Variants in PLCB1 observed in about 807,000 individuals in gnomAD.
The protein encoded by PLCB1 is 1-phosphatidylinositol 4,5-bisphosphate phosphodiesterase beta-1.
Under a neutral mutation model 161.8 loss-of-function variants are expected in PLCB1, and 46 were observed. The observed-to-expected ratio is 0.28, with a 90% CI of 0.22 to 0.36. The LOEUF is 0.36. Among genes scored for constraint, PLCB1 ranks in the 10% least tolerant of loss-of-function variants. The pLI, the probability that PLCB1 is intolerant of heterozygous loss-of-function variation, is 1.00. For synonymous variants in PLCB1, 517 were observed against 503.7 expected, an observed-to-expected ratio of 1.03 and a Z score of -0.35; for missense variants, 1,016 against 1,472.5, an observed-to-expected ratio of 0.69 and a Z score of 5.07.
intron 3 of PLCB1, among the ~76,000 whole-genome samples, chr20:8,590,852 C>T (rs1987127790): frequency 6.6e-6 from 1 of 152,038 alleles, no homozygotes; most frequent in South Asian, 2.1e-4. Flanking sequence ...GGTCCATGTG[C>T]AGGACGTGCA....
chr20:8,646,906 A>G (rs1241913665), intron 5 of PLCB1, among the ~76,000 whole-genome samples: 2 of 152,166 alleles, frequency 1.3e-5, no homozygotes, highest in African/African-American at 4.8e-5. Context: ...CACAAGTAGA[A>G]ACATTAATAG....
At chr20:8,620,911 T>G (rs564841622) in intron 3 of PLCB1, among the ~76,000 whole-genome samples, 11 of 152,184 alleles carry the variant, frequency 7.2e-5, no homozygotes, top group Admixed American at 1.3e-4. Flanking sequence ...TTTTTTGATA[T>G]GTTTGATTTT....
chr20:8,389,771 A>C (rs942429436), intron 3 of PLCB1, among the ~76,000 whole-genome samples: 4 of 152,252 alleles, frequency 2.6e-5, no homozygotes, highest in East Asian at 3.9e-4. Context: ...TAATATAGAG[A>C]TATGAGAAGC....
intron 3 of PLCB1, among the ~76,000 whole-genome samples, chr20:8,407,529 A>G (rs961270831): frequency 6.6e-6 from 1 of 152,230 alleles, no homozygotes; most frequent in African/African-American, 2.4e-5. Context: ...ATGAGGAAGA[A>G]GCAAAAGCGG....
intron 2 of PLCB1, among the ~76,000 whole-genome samples, chr20:8,264,776 T>C (rs1981871956): frequency 6.6e-6 from 1 of 152,156 alleles, no homozygotes. Flanking sequence ...CTGATTTTGA[T>C]TCTTTATTAA....
At chr20:8,495,388 C>CTTTTTTTTTTTTTTTTTTTTTT (rs869173548) in intron 3 of PLCB1, among the ~76,000 whole-genome samples, 1 of 94,364 alleles carries the variant, frequency 1.1e-5, no homozygotes, top group African/African-American at 4.5e-5. Context: ...ACCTTCCTTT[C>CTTTTTTTTTTTTTTTTTTTTTT]TTTTTTTTTT....
chr20:8,330,338 C>T (rs1985319514), intron 2 of PLCB1, among the ~76,000 whole-genome samples: 1 of 152,186 alleles, frequency 6.6e-6, no homozygotes. Flanking sequence ...AGCCTCACAG[C>T]TGTAACTGGT....
chr20:8,678,092 G>A (rs1427304206), intron 9 of PLCB1, among the ~76,000 whole-genome samples: 1 of 152,098 alleles, frequency 6.6e-6, no homozygotes, highest in Non-Finnish European at 1.5e-5. Context: ...CTAACCGGGG[G>A]ATACTTTGGA....
intron 31 of PLCB1, among the ~76,000 whole-genome samples, chr20:8,871,659 A>G (rs1346494120): frequency 1.3e-5 from 2 of 152,178 alleles, no homozygotes; most frequent in Non-Finnish European, 2.9e-5. Flanking sequence ...CCATTTATTG[A>G]CAAATGCATC....
chr20:8,603,532 C>T (rs959027824), intron 3 of PLCB1, among the ~76,000 whole-genome samples: 1 of 152,228 alleles, frequency 6.6e-6, no homozygotes, highest in African/African-American at 2.4e-5. Flanking sequence ...GTCCATTCAA[C>T]TGTGTCTAAA....
chr20:8,331,082 A>G (rs182339167), intron 2 of PLCB1, among the ~76,000 whole-genome samples: 8 of 152,338 alleles, frequency 5.3e-5, no homozygotes, highest in Admixed American at 3.3e-4. Flanking sequence ...TACACACTGC[A>G]CTGTGTAAAG....
intron 10 of PLCB1, among the ~76,000 whole-genome samples, chr20:8,695,510 T>C (rs932923698): frequency 6.6e-6 from 1 of 152,194 alleles, no homozygotes; most frequent in African/African-American, 2.4e-5. Context: ...GAGACCAACC[T>C]GGGCAACATA....
intron 2 of PLCB1, among the ~76,000 whole-genome samples, chr20:8,318,712 A>T (rs1600310654): frequency 6.6e-6 from 1 of 152,284 alleles, no homozygotes; most frequent in East Asian, 1.9e-4. Flanking sequence ...GTGTGACAAT[A>T]TTATGTTCCT....
chr20:8,203,097 G>GCACACA (rs61698006), intron 2 of PLCB1, among the ~76,000 whole-genome samples: 4 of 150,154 alleles, frequency 2.7e-5, no homozygotes, highest in Admixed American at 1.3e-4. Context: ...ACACACACGC[G>GCACACA]CACACACACA....
chr20:8,209,203 T>G (rs1208839988), intron 2 of PLCB1, among the ~76,000 whole-genome samples: 3 of 144,492 alleles, frequency 2.1e-5, no homozygotes, highest in Admixed American at 1.4e-4. Context: ...TGTTTTTTGT[T>G]TTTTTTTTCT....
intron 2 of PLCB1, among the ~76,000 whole-genome samples, chr20:8,171,118 G>GCT (rs2051728475): frequency 2.0e-5 from 3 of 152,018 alleles, no homozygotes; most frequent in African/African-American, 7.2e-5. Flanking sequence ...TATGACACAT[G>GCT]CTCTGTAAAT....
intron 31 of PLCB1, among the ~76,000 whole-genome samples, chr20:8,845,788 G>C (rs375747742): frequency 3.9e-5 from 6 of 152,190 alleles, no homozygotes; most frequent in African/African-American, 1.4e-4. Flanking sequence ...CAGAGGATTT[G>C]TTTAACACAA....
intron 31 of PLCB1, among the ~76,000 whole-genome samples, chr20:8,805,373 A>C (rs1343320691): frequency 6.6e-6 from 1 of 152,222 alleles, no homozygotes; most frequent in Non-Finnish European, 1.5e-5. Flanking sequence ...ACCAATTTCT[A>C]AAAACACCAA....
intron 3 of PLCB1, among the ~76,000 whole-genome samples, chr20:8,617,064 C>G (rs992610114): frequency 6.6e-6 from 1 of 152,054 alleles, no homozygotes; most frequent in Non-Finnish European, 1.5e-5. Context: ...AAAATTGATG[C>G]CAATAAGAGA....
Sources: allele counts gnomAD v4.1 joint callset (sites outside exome capture counted in the v4.1 genomes callset), GRCh38; gene constraint gnomAD v4.1.1; transcripts MANE v1.5; gene names NCBI Gene and HGNC (gene_info 2026-07-23, HGNC 2026-07-21).